The following ZNF350 variants were observed in gnomAD, a reference collection of about 807,000 sequenced individuals.
ZNF350 encodes the protein zinc finger protein 350, also known as KRAB zinc finger protein ZFQR.
ZNF350 carries 5 observed loss-of-function variants against 13.1 expected under a neutral mutation model. The ratio of observed to expected loss-of-function variants is 0.38; its 90% CI spans 0.20 to 0.80. The LOEUF is 0.80. Among genes scored for constraint, ZNF350 ranks in the 30% least tolerant of loss-of-function variants. The pLI is 0.43. For missense variants in ZNF350, 534 were observed against 644.2 expected (o/e 0.83, Z 1.85); for synonymous variants, 199 against 224.2 (o/e 0.89, Z 1.00).
intron 2 of ZNF350, 87 bp from the exon 3 acceptor site, chr19:51,969,218 CA>C (rs1389182815): frequency 6.6e-7 from 1 of 1,516,500 alleles, no homozygotes; most frequent in African/African-American, 1.4e-5. Flanking sequence ...TTCCACTCTA[CA>C]GGCTGTGTGC....
Position 51,964,610 on chromosome 19 carries a change from C to T in ZNF350, c.*244G>A, listed in dbSNP as rs746829773. 14 of 515,592 alleles carry T rather than the reference C, an allele frequency of 2.7e-5. No individual in the cohort carries two copies. The highest frequency in any genetic ancestry group is 3.8e-5 in the African/African-American group (2 of 52,022). 31.9% of individuals were successfully genotyped at this position (515,592 alleles called of 1,614,324 possible). On this transcript the variant is annotated 3_prime_UTR_variant, in exon 5 of 5. Transcript: ENST00000243644. ...TCTGTTTTAAAAATTCACAGTACTT[C>T]ATTTCCTCCACTTAAAAGTACTTGG...
chr19:51,965,325 A>G lies in ZNF350; in HGVS notation c.1128T>C (p.Cys376=). 3 of 1,613,844 alleles carry G rather than the reference A, an allele frequency of 1.9e-6. No homozygotes were observed. Among genetic ancestry groups the G allele is most frequent in the South Asian group, 2.2e-5 (2 of 91,062 alleles). ...TGCTAAAGGCTTTCCCACATTCACT[A>G]CATTCAAAGGGTTTCTCTCCTGTGT... is the stretch of plus-strand genomic sequence containing the variant. ...RIHTGEKPFE[C]SECGKAFSTK... is the part of the protein sequence containing the mutation. Residue 376 remains cysteine, a synonymous_variant, in exon 5 of 5, where the codon TGT becomes TGC. Transcript: ENST00000243644.
intron 2 of ZNF350, chr19:51,973,223 C>T (rs2085795851): frequency 6.6e-6 from 1 of 152,014 alleles, no homozygotes; most frequent in African/African-American, 2.4e-5. Flanking sequence ...TGGATTACAG[C>T]CATGAGCCAC....
chr19:51,975,402 C>G (rs2085857754), intron 1 of ZNF350, among the ~76,000 whole-genome samples: 1 of 126,456 alleles, frequency 7.9e-6, no homozygotes, highest in Non-Finnish European at 1.6e-5. Flanking sequence ...GTACTCCAGT[C>G]TGGTCAAAAA....
intron 4 of ZNF350, among the ~76,000 whole-genome samples, chr19:51,968,052 G>T (rs59238927): frequency 6.6e-6 from 1 of 152,278 alleles, no homozygotes; most frequent in African/African-American, 2.4e-5. Context: ...AGAAAATGGA[G>T]AACGGGACCT....
At chr19:51,975,120 A>G (rs772240527) in intron 1 of ZNF350, among the ~76,000 whole-genome samples, 1 of 152,252 alleles carries the variant, frequency 6.6e-6, no homozygotes, top group Admixed American at 6.5e-5. Context: ...AAAAGTGCCA[A>G]TTAGCAGAAG....
chr19:51,976,559 G>A lies in ZNF350; in HGVS notation c.-171-2028C>T, dbSNP rs1209641556. 10 of 152,356 alleles carry A rather than the reference G, an allele frequency of 6.6e-5. No individual in the cohort carries two copies. Among genetic ancestry groups the A allele is most frequent in the African/African-American group, 9.6e-5 (4 of 41,452 alleles). 9.4% of individuals were successfully genotyped at this position (152,356 alleles called of 1,614,324 possible). ...AAGGGGACCCTGGGAAGAGTCTGCC[G>A]GCAGCAGATATAAGGTCAGTGCCCT... On this transcript the variant is annotated intron_variant, in intron 1 of 4. Coordinates refer to ENST00000243644, the MANE Select transcript of ZNF350 (RefSeq NM_021632.4). The surrounding 1 kb of genome is among the most constrained non-coding windows in gnomAD (Gnocchi z 4.5).
In ZNF350 at chr19:51,964,842, T is replaced by A. The variant is rs751371283; in HGVS notation, c.*12A>T. On this transcript the variant is annotated 3_prime_UTR_variant, in exon 5 of 5. Coordinates refer to ENST00000243644, the MANE Select transcript of ZNF350 (RefSeq NM_021632.4). ...TGCTCAACCCTTTTCCACATAGATCTGAGTTTTCTTCCTATGGGTTTTCTG... is the reference window on the plus strand; with the variant it reads ...TGCTCAACCCTTTTCCACATAGATCAGAGTTTTCTTCCTATGGGTTTTCTG... 3.8e-6 allele frequency: 6 copies of A among 1,597,436 alleles called. No homozygotes were observed. The highest frequency in any genetic ancestry group is 5.1e-6 in the Non-Finnish European group (6 of 1,169,490).
chr19:51,966,272 G>T lies in ZNF350; in HGVS notation c.239-58C>A. On this transcript the variant is annotated intron_variant, in intron 4 of 4. Coordinates refer to ENST00000243644, the MANE Select transcript of ZNF350 (RefSeq NM_021632.4). ...TAGATTTGGGGTAAAAGTTTGTTGT[G>T]GTTTTTTTGTTTTTTTTGTTTTTTT... is the stretch of plus-strand genomic sequence containing the variant. 2.7e-6 allele frequency: 4 copies of T among 1,464,962 alleles called. No individual in the cohort carries two copies. The South Asian group carries it at 4.5e-5, about 17-fold the overall frequency. The allele number at this position is 1,464,962 out of a possible 1,614,324, so 90.7% of individuals were successfully genotyped here.
Position 51,968,654 on chromosome 19 carries a change from C to T in ZNF350, c.162G>A (p.Pro54=), listed in dbSNP as rs760262050. 70 of 1,613,914 alleles carry T rather than the reference C, an allele frequency of 4.3e-5. No homozygotes were observed. The highest frequency in any genetic ancestry group is 2.9e-4 in the South Asian group (26 of 91,086). The change falls in exon 4 of 5, where the codon CCG becomes CCA. Residue 54 remains proline (P), a synonymous_variant. Transcript: ENST00000243644. Reference sequence around the variant, plus strand: ...CTTGTTCCAACTTGAAGAGTGCATCCGGTTTGCTGGCTTGATACCCTGTTC... The same window carrying T: ...CTTGTTCCAACTTGAAGAGTGCATCTGGTTTGCTGGCTTGATACCCTGTTC... The part of the protein sequence containing the change: ...LVAVGYQASK[P]DALFKLEQGE...
At chr19:51,981,352 C>T (rs1215977284) in intron 1 of ZNF350, 1 of 151,778 alleles carries the variant, frequency 6.6e-6, no homozygotes, top group African/African-American at 2.4e-5. Flanking sequence ...CTCCCTGACC[C>T]CTTCTCCCAA....
intron 1 of ZNF350, chr19:51,981,015 G>C (rs1184062835): frequency 6.6e-6 from 1 of 152,212 alleles, no homozygotes; most frequent in East Asian, 1.9e-4. Context: ...AACAGAAAGG[G>C]GGATATGCAG....
At chr19:51,966,281 G>GTTTTT in intron 4 of ZNF350, 67 bp from the exon 5 acceptor site, 1 of 1,408,958 alleles carries the variant, frequency 7.1e-7, no homozygotes. Context: ...TGGTTTTTTT[G>GTTTTT]TTTTTTTTGT....
Position 51,964,725 on chromosome 19 carries a change from C to CATT in ZNF350, c.*126_*128dup. 8.9e-7 allele frequency: 1 copy of CATT among 1,118,936 alleles called. No individual in the cohort carries two copies. Among genetic ancestry groups the CATT allele is most frequent in the Non-Finnish European group, 1.3e-6 (1 of 798,802 alleles). The allele number at this position is 1,118,936 out of a possible 1,614,324, so 69.3% of individuals were successfully genotyped here. A position where few individuals can be genotyped will look rare whatever the true frequency, so the allele number is the denominator to read the frequency against. ...AAATTTGCCTGTGTATCACAGCATA[C>CATT]ATTTTAATAGGATGAGTTTATCAGG... On this transcript the variant is annotated 3_prime_UTR_variant, in exon 5 of 5. Transcript: ENST00000243644.
chr19:51,971,376 A>G (rs1018281865), intron 2 of ZNF350, among the ~76,000 whole-genome samples: 7 of 152,234 alleles, frequency 4.6e-5, no homozygotes, highest in African/African-American at 1.7e-4. Flanking sequence ...TTGATGGCTC[A>G]ATGAACTCCA....
At chr19:51,981,003 T>A (rs1435865576) in intron 1 of ZNF350, 3 of 152,168 alleles carry the variant, frequency 2.0e-5, no homozygotes, top group Non-Finnish European at 4.4e-5. Context: ...AATTAATACA[T>A]AAACAGAAAG....
intron 1 of ZNF350, among the ~76,000 whole-genome samples, chr19:51,978,623 T>C (rs1323915467): frequency 2.0e-5 from 3 of 152,084 alleles, no homozygotes; most frequent in African/African-American, 7.3e-5. Flanking sequence ...ACCTGTGTAG[T>C]ACACATTAAA....
chr19:51,974,487 T>C lies in ZNF350; in HGVS notation c.-127A>G. 4 of 1,114,170 alleles carry C rather than the reference T, an allele frequency of 3.6e-6. No homozygotes were observed. Among genetic ancestry groups the C allele is most frequent in the Non-Finnish European group, 5.3e-6 (4 of 751,942 alleles). The allele number at this position is 1,114,170 out of a possible 1,614,324, so 69.0% of individuals were successfully genotyped here. A position where few individuals can be genotyped will look rare whatever the true frequency, so the allele number is the denominator to read the frequency against. On this transcript the variant is annotated 5_prime_UTR_variant, in exon 2 of 5. Coordinates refer to ENST00000243644, the MANE Select transcript of ZNF350 (RefSeq NM_021632.4). ...AGAAATGGTGAACCCCAAATCCACT[T>C]CCTCCCTCTTCAGGTTATGTTTTTT...
chr19:51,965,997 C>A lies in ZNF350; in HGVS notation c.456G>T (p.Lys152Asn), dbSNP rs202022866. 35 of 1,613,934 alleles carry A rather than the reference C, an allele frequency of 2.2e-5. No individual in the cohort carries two copies. The highest frequency in any genetic ancestry group is 2.5e-5 in the Non-Finnish European group (30 of 1,180,010). ...LVNQSKGYEI[K>N]NSVEFTGNGD... ...CATTTCCAGTAAACTCAACAGAGTT[C>A]TTTATTTCATAGCCTTTGCTCTGGT... The change falls in exon 5 of 5, where the codon AAG becomes AAT. Residue 152 changes from lysine (K) to asparagine (N), a missense_variant. Coordinates refer to ENST00000243644, the MANE Select transcript of ZNF350 (RefSeq NM_021632.4).
Sources: allele counts gnomAD v4.1 joint callset (sites outside exome capture counted in the v4.1 genomes callset), GRCh38; gene constraint gnomAD v4.1.1; non-coding constraint Gnocchi (gnomAD v3.1); transcripts MANE v1.5; gene names NCBI Gene and HGNC (gene_info 2026-07-23, HGNC 2026-07-21).